AGTPBP1: variants seen among roughly 807,000 people sequenced by gnomAD.
The protein encoded by AGTPBP1 is ATP/GTP binding carboxypeptidase 1, also known as cytosolic carboxypeptidase 1.
Under a neutral mutation model 143.9 loss-of-function variants are expected in AGTPBP1, and 70 were observed. That is an observed-to-expected ratio of 0.49 (90% CI 0.40 to 0.59). AGTPBP1 has a LOEUF of 0.59. Among genes scored for constraint, AGTPBP1 ranks in the 20% least tolerant of loss-of-function variants. The pLI, the probability that AGTPBP1 is intolerant of heterozygous loss-of-function variation, is 0.00. For synonymous variants in AGTPBP1, 463 were observed against 500.2 expected, an observed-to-expected ratio of 0.93 and a Z score of 0.99; for missense variants, 1,229 against 1,464.5, an observed-to-expected ratio of 0.84 and a Z score of 2.62.
At chr9:85,743,056 G>T (rs1349526167), upstream of AGTPBP1, among the ~76,000 whole-genome samples, 1 of 152,130 alleles carries the variant, frequency 6.6e-6, no homozygotes, top group African/African-American at 2.4e-5. Flanking sequence ...TATAAACATC[G>T]TAGTTTCCCT....
At chr9:85,626,646 C>T (rs1007857605) in intron 14 of AGTPBP1, among the ~76,000 whole-genome samples, 4 of 151,914 alleles carry the variant, frequency 2.6e-5, no homozygotes, top group Admixed American at 1.3e-4. Context: ...AAATATAGAA[C>T]CATAAAGCCT....
At chr9:85,657,103 T>C (rs62569182) in intron 10 of AGTPBP1, among the ~76,000 whole-genome samples, 2,519 of 150,758 alleles carry the variant, frequency 0.017, 24 homozygotes, top group Middle Eastern at 0.055. Context: ...GTGGGTGCAG[T>C]GCACCAGCAT....
intron 17 of AGTPBP1, among the ~76,000 whole-genome samples, chr9:85,599,731 C>A (rs1394668270): frequency 6.6e-6 from 1 of 152,230 alleles, no homozygotes; most frequent in Non-Finnish European, 1.5e-5. Context: ...TGTACATTTT[C>A]TGAATTCTTA....
At chr9:85,800,460 C>A in the AGTPBP1 span, among the ~76,000 whole-genome samples, 7 of 152,142 alleles carry the variant, frequency 4.6e-5, no homozygotes, top group African/African-American at 1.7e-4. Context: ...TCAGTGATCA[C>A]TCATCCATCT....
At chr9:85,550,894 G>A (rs751859530) in intron 25 of AGTPBP1, among the ~76,000 whole-genome samples, 1 of 152,170 alleles carries the variant, frequency 6.6e-6, no homozygotes, top group African/African-American at 2.4e-5. Flanking sequence ...GATAGGGTTT[G>A]GATGTGTGGC....
chr9:85,678,237 C>G (rs1332966436), intron 5 of AGTPBP1, 98 bp downstream of exon 5: 1 of 720,876 alleles, frequency 1.4e-6, no homozygotes, highest in East Asian at 2.9e-5. Flanking sequence ...TCAGAATAGC[C>G]TCTATAAGAG....
At chr9:85,651,401 A>C (rs965951086) in intron 11 of AGTPBP1, among the ~76,000 whole-genome samples, 1 of 152,206 alleles carries the variant, frequency 6.6e-6, no homozygotes, top group Non-Finnish European at 1.5e-5. Flanking sequence ...TAATATTAGG[A>C]AATCTATCAA....
At chr9:85,779,307 AGGG>A in the AGTPBP1 span, among the ~76,000 whole-genome samples, 2 of 151,376 alleles carry the variant, frequency 1.3e-5, no homozygotes, top group Admixed American at 1.3e-4. Flanking sequence ...ATATATATAA[AGGG>A]GAGTTTATTA....
chr9:85,597,275 T>C (rs1327126016), intron 17 of AGTPBP1, among the ~76,000 whole-genome samples: 1 of 152,028 alleles, frequency 6.6e-6, no homozygotes, highest in Non-Finnish European at 1.5e-5. Flanking sequence ...ATTCACATTA[T>C]CAAATAAACT....
At chr9:85,560,117 G>T (rs1826610377) in intron 25 of AGTPBP1, among the ~76,000 whole-genome samples, 1 of 152,144 alleles carries the variant, frequency 6.6e-6, no homozygotes, top group Non-Finnish European at 1.5e-5. Flanking sequence ...ATAACAAAAT[G>T]TTGGAAGATG....
intron 25 of AGTPBP1, among the ~76,000 whole-genome samples, chr9:85,563,718 G>C (rs960632573): frequency 2.0e-5 from 3 of 152,172 alleles, no homozygotes; most frequent in Non-Finnish European, 2.9e-5. Context: ...AATAAACAGA[G>C]CCAGGAGCTA....
intron 6 of AGTPBP1, among the ~76,000 whole-genome samples, chr9:85,676,621 C>T (rs1834846149): frequency 2.0e-5 from 3 of 152,070 alleles, no homozygotes; most frequent in African/African-American, 7.2e-5. Context: ...CTATGGAAAA[C>T]AGTATGGGGG....
the AGTPBP1 span, among the ~76,000 whole-genome samples, chr9:85,777,049 C>T: frequency 6.6e-6 from 1 of 152,170 alleles, no homozygotes; most frequent in Admixed American, 6.5e-5. Flanking sequence ...TTCCACCGTT[C>T]TATCAGTCTA....
intron 3 of AGTPBP1, among the ~76,000 whole-genome samples, chr9:85,687,653 T>G (rs1835564737): frequency 6.6e-6 from 1 of 152,002 alleles, no homozygotes; most frequent in Admixed American, 6.6e-5. Context: ...AATTAGAACA[T>G]ATTGTCAACT....
At chr9:85,739,687 G>C (rs931640951) in intron 1 of AGTPBP1, among the ~76,000 whole-genome samples, 29 of 141,378 alleles carry the variant, frequency 2.1e-4, no homozygotes, top group Admixed American at 1.2e-3. Context: ...CAGCCTGGGC[G>C]ACAAGAGCGA....
chr9:85,665,288 G>A (rs575276744), intron 8 of AGTPBP1, among the ~76,000 whole-genome samples: 28 of 152,110 alleles, frequency 1.8e-4, no homozygotes, highest in Non-Finnish European at 3.7e-4. Flanking sequence ...GATGATGGAG[G>A]CAAAAACCGA....
chr9:85,778,641 C>A, the AGTPBP1 span, among the ~76,000 whole-genome samples: 1 of 152,198 alleles, frequency 6.6e-6, no homozygotes, highest in Non-Finnish European at 1.5e-5. Flanking sequence ...GTGCTGCCTT[C>A]AAAATCCAGA....
At position 85,692,726 on chromosome 9, in the gene AGTPBP1, A is replaced by G. The variant is rs746636823; in HGVS notation, c.120T>C (p.Tyr40=). Residue 40 remains tyrosine (Y), a synonymous_variant, in exon 3 of 26, where the codon TAT becomes TAC. Coordinates refer to ENST00000357081, the MANE Select transcript of AGTPBP1 (RefSeq NM_001330701.2). ...CCAGATGAAGAATTTTTGATGTAAC[A>G]TATCGGGCAGTGTCTGATTCTGAAG... is the stretch of plus-strand genomic sequence containing the variant. The part of the protein sequence containing the change: ...AEPSESDTAR[Y]VTSKILHLAQ... The G allele has an allele frequency of 3.1e-6, 5 of 1,614,038 alleles. No homozygotes were observed. Among genetic ancestry groups the G allele is most frequent in the South Asian group, 1.1e-5 (1 of 91,070 alleles).
chr9:85,560,960 G>C (rs1047748090), intron 25 of AGTPBP1, among the ~76,000 whole-genome samples: 2 of 151,948 alleles, frequency 1.3e-5, no homozygotes, highest in African/African-American at 4.8e-5. Flanking sequence ...AAGACATGAA[G>C]CTCCAAATTT....
Sources: gnomAD v4.1 joint callset for allele counts (sites outside exome capture counted in the v4.1 genomes callset) on GRCh38, gnomAD v4.1.1 for gene constraint, MANE v1.5 for transcripts, NCBI Gene and HGNC (gene_info 2026-07-23, HGNC 2026-07-21) for gene names.